The following PALLD variants were observed in gnomAD, a reference collection of about 807,000 sequenced individuals.
The protein encoded by PALLD is palladin.
PALLD carries 61 observed loss-of-function variants against 123.5 expected under a neutral mutation model. The ratio of observed to expected loss-of-function variants is 0.49; its 90% CI spans 0.40 to 0.61. PALLD has a LOEUF of 0.61. PALLD is among the 20% of genes least tolerant of loss of function. The pLI is 0.00. For synonymous variants in PALLD, 465 were observed against 496.4 expected (o/e 0.94, Z 0.84); for missense variants, 1,273 against 1,377.0 (o/e 0.92, Z 1.20).
At chr4:168,676,894 T>TG (rs1184041963) in intron 3 of PALLD, among the ~76,000 whole-genome samples, 2 of 152,128 alleles carry the variant, frequency 1.3e-5, no homozygotes, top group Non-Finnish European at 2.9e-5. Flanking sequence ...GTTTTTAAAA[T>TG]GAAAAGGGAG....
At chr4:168,504,647 T>C (rs1761818296) in intron 1 of PALLD, among the ~76,000 whole-genome samples, 1 of 149,290 alleles carries the variant, frequency 6.7e-6, no homozygotes, top group African/African-American at 2.5e-5. Context: ...AAAATGACAA[T>C]TAAGCTAAAC....
chr4:168,778,567 G>A (rs1422401270), intron 10 of PALLD, among the ~76,000 whole-genome samples: 1 of 152,132 alleles, frequency 6.6e-6, no homozygotes, highest in African/African-American at 2.4e-5. Context: ...CAGATTTAGG[G>A]TGTCTAGCAC....
At chr4:168,800,787 G>A (rs901413246) in intron 10 of PALLD, among the ~76,000 whole-genome samples, 4 of 152,060 alleles carry the variant, frequency 2.6e-5, no homozygotes, top group Non-Finnish European at 4.4e-5. Context: ...GCTTACATAC[G>A]TGCACCCAGA....
At chr4:168,779,818 C>T (rs1289857859) in intron 10 of PALLD, among the ~76,000 whole-genome samples, 3 of 152,024 alleles carry the variant, frequency 2.0e-5, no homozygotes, top group African/African-American at 7.2e-5. Flanking sequence ...ATCTTTGTCA[C>T]TTTCCCTTCA....
At chr4:168,845,454 A>G (rs746571457) in intron 10 of PALLD, among the ~76,000 whole-genome samples, 5 of 152,230 alleles carry the variant, frequency 3.3e-5, no homozygotes, top group Non-Finnish European at 7.3e-5. Flanking sequence ...GTAATACAAC[A>G]ATAGAAATAA....
intron 2 of PALLD, among the ~76,000 whole-genome samples, chr4:168,528,565 G>C (rs1028868739): frequency 6.6e-6 from 1 of 152,158 alleles, no homozygotes; most frequent in Non-Finnish European, 1.5e-5. Flanking sequence ...CTGTAGGGTA[G>C]GTTCTGTTAT....
At chr4:168,521,289 A>C (rs1228960866) in intron 2 of PALLD, among the ~76,000 whole-genome samples, 1 of 152,200 alleles carries the variant, frequency 6.6e-6, no homozygotes, top group African/African-American at 2.4e-5. Flanking sequence ...AGTGGTGGAC[A>C]GTAGAGGTTC....
chr4:168,576,001 T>C (rs1769532836), intron 2 of PALLD, among the ~76,000 whole-genome samples: 1 of 152,092 alleles, frequency 6.6e-6, no homozygotes, highest in Non-Finnish European at 1.5e-5. Flanking sequence ...TAATCCATAG[T>C]CCACAATTGG....
intron 8 of PALLD, chr4:168,700,725 A>G (rs145522104): frequency 0.018 from 2,788 of 152,296 alleles, 87 homozygotes; most frequent in South Asian, 0.14. Flanking sequence ...ATTATTTAGC[A>G]GGGTGAGGTG....
intron 8 of PALLD, among the ~76,000 whole-genome samples, chr4:168,703,565 C>T (rs1377774232): frequency 5.5e-5 from 7 of 126,314 alleles, no homozygotes; most frequent in Admixed American, 5.2e-4. Context: ...TCCTCTCCAG[C>T]ACCTGTTGTT....
At chr4:168,607,479 C>T (rs905151350) in intron 2 of PALLD, among the ~76,000 whole-genome samples, 4 of 152,170 alleles carry the variant, frequency 2.6e-5, no homozygotes, top group Admixed American at 2.6e-4. Flanking sequence ...GAATAATCAA[C>T]TACAGCGGAC....
intron 10 of PALLD, among the ~76,000 whole-genome samples, chr4:168,726,074 A>G (rs1198265696): frequency 2.0e-5 from 3 of 152,228 alleles, no homozygotes; most frequent in African/African-American, 4.8e-5. Flanking sequence ...CTCATGATGA[A>G]GCATTCTAGA....
rs1044400970 is a variant in PALLD, at chr4:168,708,259, C to T, written c.1502-769C>T. ...ATAGTAAGGGTTATATAGCTGTCAG[C>T]TCTTGTTATCGTCATCATCATCATC... On this transcript the variant is annotated intron_variant, in intron 8 of 21. Coordinates refer to ENST00000505667, the MANE Select transcript of PALLD (RefSeq NM_001166108.2). Among the ~76,000 whole-genome samples, 4 of 152,256 alleles carry T rather than the reference C, an allele frequency of 2.6e-5. No individual in the cohort carries two copies. In the South Asian group the frequency reaches 8.3e-4, roughly 32 times the overall value.
Position 168,768,259 on chromosome 4 carries a change from T to C in PALLD, c.1964+56336T>C, listed in dbSNP as rs115224699. Among the ~76,000 whole-genome samples the C allele has an allele frequency of 7.7e-3, 1,177 of 152,302 alleles. 9 individuals are homozygous for C. The highest frequency in any genetic ancestry group is 0.027 in the African/African-American group (1,103 of 41,566). On this transcript the variant is annotated intron_variant, in intron 10 of 21. Transcript: ENST00000505667. Reference sequence around the variant, plus strand: ...TCCTACCCTGGGAGCCACAATATCATTGGGCAAACTTTAGTCTATTGTCCA... The same window carrying C: ...TCCTACCCTGGGAGCCACAATATCACTGGGCAAACTTTAGTCTATTGTCCA...
intron 10 of PALLD, among the ~76,000 whole-genome samples, chr4:168,811,296 C>G (rs549886357): frequency 6.6e-6 from 1 of 152,266 alleles, no homozygotes; most frequent in African/African-American, 2.4e-5. Flanking sequence ...ACCTGTGTTC[C>G]CTTTCCTTTT....
At chr4:168,619,942 T>C (rs554234125) in intron 2 of PALLD, among the ~76,000 whole-genome samples, 2 of 152,146 alleles carry the variant, frequency 1.3e-5, no homozygotes, top group South Asian at 4.1e-4. Flanking sequence ...TTTAAGCTCT[T>C]CCAATAGTAG....
At chr4:168,570,219 T>C (rs10004025) in intron 2 of PALLD, among the ~76,000 whole-genome samples, 82,618 of 152,028 alleles carry the variant, frequency 0.54, 22,765 homozygotes, top group East Asian at 0.78. Flanking sequence ...TGTCTGTCTA[T>C]TTAACGGGCG....
At chr4:168,884,569 T>C (rs1157901293) in intron 10 of PALLD, among the ~76,000 whole-genome samples, 2 of 152,246 alleles carry the variant, frequency 1.3e-5, no homozygotes, top group African/African-American at 2.4e-5. Context: ...CCTCCTGATA[T>C]GTCTTGCCTT....
chr4:168,668,604 C>G (rs1476231637), intron 3 of PALLD, among the ~76,000 whole-genome samples: 1 of 152,188 alleles, frequency 6.6e-6, no homozygotes, highest in African/African-American at 2.4e-5. Flanking sequence ...ACTCCATTAA[C>G]TTGAATTATT....
Sources: allele counts gnomAD v4.1 joint callset (sites outside exome capture counted in the v4.1 genomes callset), GRCh38; gene constraint gnomAD v4.1.1; transcripts MANE v1.5; gene names NCBI Gene and HGNC (gene_info 2026-07-23, HGNC 2026-07-21).